The following ANKEF1 variants were observed in gnomAD, a reference collection of about 807,000 sequenced individuals.
ANKEF1 encodes ankyrin repeat and EF-hand domain containing 1.
Under a neutral mutation model 65.1 loss-of-function variants are expected in ANKEF1, and 43 were observed. The ratio of observed to expected loss-of-function variants is 0.66; its 90% CI spans 0.52 to 0.85. The LOEUF (loss-of-function observed/expected upper bound fraction) is 0.85. Among genes scored for constraint, ANKEF1 ranks in the 40% least tolerant of loss-of-function variants. The pLI, the probability that ANKEF1 is intolerant of heterozygous loss-of-function variation, is 0.00. For missense variants in ANKEF1, 934 were observed against 952.9 expected, an observed-to-expected ratio of 0.98 and a Z score of 0.26; for synonymous variants, 316 against 341.5, an observed-to-expected ratio of 0.93 and a Z score of 0.82.
intron 3 of ANKEF1, 90 bp downstream of exon 3, chr20:10,038,737 G>T: frequency 1.0e-6 from 1 of 998,470 alleles, no homozygotes; most frequent in South Asian, 1.8e-5. Flanking sequence ...TCCAACTTTA[G>T]AAGTGAATTA....
Position 10,053,094 on chromosome 20 carries a change from A to C in ANKEF1, c.1871-18A>C. 2 of 1,566,526 alleles carry C rather than the reference A, an allele frequency of 1.3e-6. No homozygotes were observed. Among genetic ancestry groups the C allele is most frequent in the Non-Finnish European group, 1.7e-6 (2 of 1,162,940 alleles). On this transcript the variant is annotated intron_variant, in intron 8 of 10. Coordinates refer to ENST00000378392, the MANE Select transcript of ANKEF1 (RefSeq NM_022096.6). ...ATATGTTTATAGTCACTCTGAATTTATGTTTATGTTTCAACAGGGCATAGT... is the reference window on the plus strand; with the variant it reads ...ATATGTTTATAGTCACTCTGAATTTCTGTTTATGTTTCAACAGGGCATAGT...
chr20:10,058,110 T>C lies in ANKEF1; in HGVS notation c.*2450T>C, dbSNP rs924824723. 4.6e-5 allele frequency: 7 copies of C among 152,148 alleles called. No homozygotes were observed. Among genetic ancestry groups the C allele is most frequent in the African/African-American group, 1.7e-4 (7 of 41,430 alleles). 9.4% of individuals were successfully genotyped at this position (152,148 alleles called of 1,614,324 possible). On this transcript the variant is annotated 3_prime_UTR_variant, in exon 11 of 11. Coordinates refer to ENST00000378392, the MANE Select transcript of ANKEF1 (RefSeq NM_022096.6). ...ATACCTGATATAAACTTTAACTGCA[T>C]TTGCAGTTGAGAGAAATGTAAATAA...
Position 10,049,611 on chromosome 20 carries a change from G to C in ANKEF1, c.1042G>C (p.Asp348His), listed in dbSNP as rs201932590. Residue 348 changes from aspartate to histidine, a missense_variant, in exon 7 of 11, where the codon GAC becomes CAC. By Grantham distance (81) the Asp-to-His change is moderately conservative. Transcript: ENST00000378392. ...AFLREAFAVL[D>H]RGDGSISKND... ...CCTCCGGGAAGCCTTTGCGGTTTTA[G>C]ACAGGGGTGATGGAAGCATCAGCAA... 1.7e-4 allele frequency: 273 copies of C among 1,614,144 alleles called. No homozygotes were observed. Among genetic ancestry groups the C allele is most frequent in the Middle Eastern group, 8.3e-4 (5 of 6,060 alleles).
chr20:10,048,656 C>G (rs1984658606), intron 6 of ANKEF1, among the ~76,000 whole-genome samples: 1 of 152,034 alleles, frequency 6.6e-6, no homozygotes, highest in Admixed American at 6.6e-5. Flanking sequence ...TTTGGTAGCA[C>G]TAAATGGATT....
intron 7 of ANKEF1, among the ~76,000 whole-genome samples, chr20:10,051,446 G>A (rs681750): frequency 0.25 from 38,188 of 151,928 alleles, 4,989 homozygotes; most frequent in African/African-American, 0.28. Flanking sequence ...TTTGCAAATC[G>A]TAATCCCTAG....
At chr20:10,049,358 C>G (rs766805289) in intron 6 of ANKEF1, 32 bp from the exon 7 acceptor site, 1 of 1,557,408 alleles carries the variant, frequency 6.4e-7, no homozygotes, top group African/African-American at 1.4e-5. Context: ...TGCCTTGGCA[C>G]CATTCATAAT....
chr20:10,044,843 C>G (rs1984416050), intron 5 of ANKEF1, among the ~76,000 whole-genome samples: 1 of 152,094 alleles, frequency 6.6e-6, no homozygotes. Flanking sequence ...TTTATGACTT[C>G]ATTACATACT....
intron 6 of ANKEF1, 35 bp downstream of exon 6, chr20:10,045,732 T>C: frequency 6.2e-7 from 1 of 1,609,960 alleles, no homozygotes; most frequent in Non-Finnish European, 8.5e-7. Context: ...CTTCAAGTAC[T>C]TATGATTTAC....
At chr20:10,048,870 G>A (rs1984668731) in intron 6 of ANKEF1, among the ~76,000 whole-genome samples, 1 of 151,998 alleles carries the variant, frequency 6.6e-6, no homozygotes, top group Admixed American at 6.6e-5. Context: ...CCACAAAACA[G>A]CAGATTAGTA....
chr20:10,049,482 C>T lies in ANKEF1; in HGVS notation c.913C>T (p.Arg305Ter), dbSNP rs778026616. ...GFKAASKEIR[R>*]AERIANKLAR... ...CAAAGCAGCAAGCAAAGAAATACGCCGAGCAGAGAGAATCGCTAATAAACT... is the reference window on the plus strand; with the variant it reads ...CAAAGCAGCAAGCAAAGAAATACGCTGAGCAGAGAGAATCGCTAATAAACT... The change falls in exon 7 of 11, where the codon CGA becomes TGA. Residue 305 changes from arginine (R) to a stop codon, truncating the protein, a stop_gained. Transcript: ENST00000378392. LOFTEE classifies it high-confidence loss of function. 8.7e-6 allele frequency: 14 copies of T among 1,613,890 alleles called. No homozygotes were observed. The highest frequency in any genetic ancestry group is 1.0e-5 in the Non-Finnish European group (12 of 1,180,002).
chr20:10,052,410 A>G (rs1022515010), intron 8 of ANKEF1, among the ~76,000 whole-genome samples: 39 of 152,290 alleles, frequency 2.6e-4, no homozygotes, highest in African/African-American at 8.4e-4. Flanking sequence ...GGACAAAGCA[A>G]TTCCTGAATT....
chr20:10,043,986 C>T (rs1398482023), intron 4 of ANKEF1, among the ~76,000 whole-genome samples: 1 of 151,900 alleles, frequency 6.6e-6, no homozygotes, highest in African/African-American at 2.4e-5. Context: ...CGTTCACTCT[C>T]CTTATTTTGA....
Position 10,053,120 on chromosome 20 carries a change from G to C in ANKEF1, c.1879G>C (p.Ala627Pro). 6.2e-7 allele frequency: 1 copy of C among 1,600,164 alleles called. No individual in the cohort carries two copies. The highest frequency in any genetic ancestry group is 1.1e-5 in the South Asian group (1 of 87,908). ...FQLENRKGHS[A>P]MDVAKAYADY... ...TGTTTATGTTTCAACAGGGCATAGT[G>C]CCATGGACGTTGCAAAGGCATATGC... Residue 627 changes from alanine (A) to proline (P), a missense_variant, in exon 9 of 11, where the codon GCC (alanine) becomes CCC (proline). Ala to Pro is a conservative substitution (Grantham distance 27). Coordinates refer to ENST00000378392, the MANE Select transcript of ANKEF1 (RefSeq NM_022096.6).
rs751351134 is a variant in ANKEF1, at chr20:10,051,844, T to C, written c.1825T>C (p.Tyr609His). The C allele has an allele frequency of 6.2e-7, 1 of 1,613,168 alleles. No homozygotes were observed. Among genetic ancestry groups the C allele is most frequent in the Non-Finnish European group, 8.5e-7 (1 of 1,179,730 alleles). ...AAGCTGCAGACTGGATACAGTAAAA[T>C]ACCTACTTGATATTGGTGCTAAATT... is the stretch of plus-strand genomic sequence containing the variant. ...IESCRLDTVK[Y>H]LLDIGAKFQL... Residue 609 changes from tyrosine to histidine, a missense_variant, in exon 8 of 11, where the codon TAC (tyrosine) becomes CAC (histidine). Transcript: ENST00000378392.
At chr20:10,046,893 A>G (rs1600517548) in intron 6 of ANKEF1, among the ~76,000 whole-genome samples, 1 of 152,240 alleles carries the variant, frequency 6.6e-6, no homozygotes, top group South Asian at 2.1e-4. Flanking sequence ...ATGAATGTAT[A>G]CTTTCCCTAT....
At chr20:10,055,198 A>G (rs1275800699) in intron 10 of ANKEF1, among the ~76,000 whole-genome samples, 1 of 152,158 alleles carries the variant, frequency 6.6e-6, no homozygotes, top group Non-Finnish European at 1.5e-5. Flanking sequence ...CTGTTTTGGC[A>G]TCCTAAAAAA....
chr20:10,045,869 A>G (rs1984494447), intron 6 of ANKEF1, among the ~76,000 whole-genome samples, 172 bp downstream of exon 6: 1 of 152,178 alleles, frequency 6.6e-6, no homozygotes, highest in Non-Finnish European at 1.5e-5. Context: ...CCTCTGTTAA[A>G]TCATGAATCT....
rs1266176451 is a variant in ANKEF1, at chr20:10,055,815, T to A, written c.*155T>A. The A allele has an allele frequency of 1.5e-6, 1 of 684,664 alleles. No individual in the cohort carries two copies. Among genetic ancestry groups the A allele is most frequent in the Admixed American group, 2.9e-5 (1 of 34,468 alleles). 42.4% of individuals were successfully genotyped at this position (684,664 alleles called of 1,614,324 possible). A position where few individuals can be genotyped will look rare whatever the true frequency, so the allele number is the denominator to read the frequency against. On this transcript the variant is annotated 3_prime_UTR_variant, in exon 11 of 11. Transcript: ENST00000378392. ...TTTAACAACTATAAATATTCTTAGC[T>A]GTCTAGAGAAAAGATGTATGTTATT...
rs774594784 is a variant in ANKEF1 at position 10,054,644 on chromosome 20, A to G, written c.2172+45A>G. ...CTTCATAGCATGGTAGAAGCTCATA[A>G]TGTCATTTTTTCAAAAGCTTTTTAT... On this transcript the variant is annotated intron_variant, in intron 10 of 10. Coordinates refer to ENST00000378392, the MANE Select transcript of ANKEF1 (RefSeq NM_022096.6). The G allele has an allele frequency of 3.4e-5, 53 of 1,560,754 alleles. 1 individual carries two copies. In the Admixed American group the frequency reaches 1.1e-3, roughly 32 times the overall value.
Sources: allele counts gnomAD v4.1 joint callset (sites outside exome capture counted in the v4.1 genomes callset), GRCh38; gene constraint gnomAD v4.1.1; transcripts MANE v1.5; gene names NCBI Gene and HGNC (gene_info 2026-07-23, HGNC 2026-07-21).